The following TCERG1L variants were observed in gnomAD, a reference collection of about 807,000 sequenced individuals.
The protein encoded by TCERG1L is transcription elongation regulator 1 like, also known as transcription elongation regulator 1-like protein.
TCERG1L carries 37 observed loss-of-function variants against 56.3 expected under a neutral mutation model. That is an observed-to-expected ratio of 0.66 (90% CI 0.51 to 0.87). The LOEUF is 0.87. TCERG1L is among the 40% of genes least tolerant of loss of function. The pLI, the probability that TCERG1L is intolerant of heterozygous loss-of-function variation, is 0.00. For missense variants in TCERG1L, 799 were observed against 774.2 expected, an observed-to-expected ratio of 1.03 and a Z score of -0.38; for synonymous variants, 324 against 326.3, an observed-to-expected ratio of 0.99 and a Z score of 0.08.
At position 131,137,647 on chromosome 10, in the gene TCERG1L, G is replaced by A. The variant is rs114342942; in HGVS notation, c.1190-3199C>T. Among the ~76,000 whole-genome samples the A allele has an allele frequency of 2.5e-3, 380 of 152,312 alleles. 1 individual carries two copies. Among genetic ancestry groups the A allele is most frequent in the African/African-American group, 8.6e-3 (358 of 41,568 alleles). ...ACATTTCTTAAAACTTAAAAAATGAGGTCATGCAATTACACACATATTATT... is the reference window on the plus strand; with the variant it reads ...ACATTTCTTAAAACTTAAAAAATGAAGTCATGCAATTACACACATATTATT... On this transcript the variant is annotated intron_variant, in intron 7 of 11. Coordinates refer to ENST00000368642, the MANE Select transcript of TCERG1L (RefSeq NM_174937.4).
intron 4 of TCERG1L, among the ~76,000 whole-genome samples, chr10:131,220,386 G>A (rs1451492378): frequency 6.6e-6 from 1 of 152,200 alleles, no homozygotes; most frequent in Non-Finnish European, 1.5e-5. Flanking sequence ...TCTGTCTGCA[G>A]GACGCAGGAC....
At chr10:131,202,244 TATGCGCATGTCTGC>T (rs1342363644) in intron 4 of TCERG1L, among the ~76,000 whole-genome samples, 8 of 152,116 alleles carry the variant, frequency 5.3e-5, no homozygotes, top group African/African-American at 1.9e-4. Context: ...AGCAAGTAGG[TATGCGCATGTCTGC>T]ACCGTGGGGT....
At chr10:131,291,179 TTAGAA>T (rs1293833069) in intron 3 of TCERG1L, among the ~76,000 whole-genome samples, 6 of 152,106 alleles carry the variant, frequency 3.9e-5, no homozygotes, top group African/African-American at 9.7e-5. Flanking sequence ...TATTATAATA[TTAGAA>T]TAAACTGTCA....
chr10:131,180,548 C>G (rs1003064370), intron 4 of TCERG1L, among the ~76,000 whole-genome samples: 1 of 152,098 alleles, frequency 6.6e-6, no homozygotes, highest in Admixed American at 6.6e-5. Context: ...TTTAGGCTAC[C>G]ATCTACTGCT....
At chr10:131,151,798 T>C (rs1845870228) in intron 6 of TCERG1L, among the ~76,000 whole-genome samples, 1 of 152,224 alleles carries the variant, frequency 6.6e-6, no homozygotes, top group Non-Finnish European at 1.5e-5. Flanking sequence ...AATTTCTGCC[T>C]GGACATCCAG....
Position 131,146,421 on chromosome 10 carries a change from AG to A in TCERG1L, c.1189+84del, listed in dbSNP as rs112571934. On this transcript the variant is annotated intron_variant, in intron 7 of 11. Coordinates refer to ENST00000368642, the MANE Select transcript of TCERG1L (RefSeq NM_174937.4). ...TAGTCAATTTTCAACATAACCAAGA[AG>A]AAACATGCTTTCACTTTACGTTCAT... The A allele has an allele frequency of 1.6e-4, 221 of 1,371,540 alleles. 2 individuals are homozygous for A. The highest frequency in any genetic ancestry group is 8.0e-4 in the Middle Eastern group (3 of 3,746). The allele number at this position is 1,371,540 out of a possible 1,614,324, so 85.0% of individuals were successfully genotyped here. A position where few individuals can be genotyped will look rare whatever the true frequency, so the allele number is the denominator to read the frequency against.
At chr10:131,156,818 A>G (rs1845928357) in intron 6 of TCERG1L, among the ~76,000 whole-genome samples, 3 of 152,014 alleles carry the variant, frequency 2.0e-5, no homozygotes, top group Non-Finnish European at 1.5e-5. Flanking sequence ...TAGAGTTGTG[A>G]GCCCTTAAAA....
At chr10:131,280,091 G>A (rs1846435071) in intron 3 of TCERG1L, among the ~76,000 whole-genome samples, 1 of 152,196 alleles carries the variant, frequency 6.6e-6, no homozygotes. Context: ...CTGGTGACAT[G>A]TGCCCAGGGT....
chr10:131,311,224 G>T lies in TCERG1L; in HGVS notation c.342+70C>A. ...GCGCGCGAGCCGGAGGCCAGAGCCG[G>T]GCCGGGCAGGGCGCGCCCAGGAGCA... On this transcript the variant is annotated intron_variant, in intron 1 of 11. Coordinates refer to ENST00000368642, the MANE Select transcript of TCERG1L (RefSeq NM_174937.4). This position sits in a 1 kb window ranked among gnomAD's most constrained non-coding sequence, Gnocchi z 4.0. 8.7e-7 allele frequency: 1 copy of T among 1,155,422 alleles called. No individual in the cohort carries two copies. The highest frequency in any genetic ancestry group is 1.1e-6 in the Non-Finnish European group (1 of 930,206). The allele number at this position is 1,155,422 out of a possible 1,614,324, so 71.6% of individuals were successfully genotyped here.
intron 9 of TCERG1L, among the ~76,000 whole-genome samples, chr10:131,110,627 G>A (rs569250028): frequency 3.9e-4 from 60 of 152,314 alleles, no homozygotes; most frequent in Middle Eastern, 6.8e-3. Context: ...CCTCAGCCCC[G>A]GGAAGGCAGC....
chr10:131,276,477 T>TG (rs1288285785), intron 3 of TCERG1L, among the ~76,000 whole-genome samples: 2 of 152,240 alleles, frequency 1.3e-5, no homozygotes, highest in African/African-American at 4.8e-5. Flanking sequence ...CACTTCATTA[T>TG]GTTCAACACA....
At chr10:131,115,889 C>T (rs1420428898) in intron 9 of TCERG1L, among the ~76,000 whole-genome samples, 1 of 152,168 alleles carries the variant, frequency 6.6e-6, no homozygotes, top group African/African-American at 2.4e-5. Flanking sequence ...GAGCTGGGTC[C>T]CCATGGCAGC....
intron 4 of TCERG1L, among the ~76,000 whole-genome samples, chr10:131,256,997 GAAAGAAAGAAAGAAA>G (rs1846176975): frequency 7.5e-4 from 56 of 74,210 alleles, no homozygotes; most frequent in East Asian, 2.6e-3. Context: ...AGGAAGGAAA[GAAAGAAAGAAAGAAA>G]GAAAGAAAGA....
At chr10:131,098,164 A>C (rs1845268041) in intron 11 of TCERG1L, 142 bp downstream of exon 11, 1 of 825,246 alleles carries the variant, frequency 1.2e-6, no homozygotes, top group African/African-American at 1.7e-5. Flanking sequence ...GGCTGGTCTC[A>C]CTGGCAGGTC....
chr10:131,130,657 C>T (rs534678369), intron 8 of TCERG1L, among the ~76,000 whole-genome samples: 2 of 152,170 alleles, frequency 1.3e-5, no homozygotes, highest in African/African-American at 4.8e-5. Context: ...AGAACAAATA[C>T]GTTCTCTTAC....
chr10:131,107,647 G>A (rs1442753046), intron 9 of TCERG1L, among the ~76,000 whole-genome samples: 5 of 152,132 alleles, frequency 3.3e-5, no homozygotes, highest in African/African-American at 1.2e-4. Flanking sequence ...GCTCCTGAGG[G>A]AAGCCTGTTG....
At chr10:131,155,712 G>A (rs1018390527) in intron 6 of TCERG1L, among the ~76,000 whole-genome samples, 1 of 152,196 alleles carries the variant, frequency 6.6e-6, no homozygotes, top group Non-Finnish European at 1.5e-5. Flanking sequence ...GGAGCTGGTG[G>A]CTGCCTGGGA....
intron 4 of TCERG1L, among the ~76,000 whole-genome samples, chr10:131,238,970 C>T (rs893586293): frequency 6.6e-6 from 1 of 152,226 alleles, no homozygotes; most frequent in Non-Finnish European, 1.5e-5. Flanking sequence ...TGCCTCCCTG[C>T]CTCCCTGCCT....
Position 131,311,588 on chromosome 10 carries a change from C to G in TCERG1L, c.48G>C (p.Gln16His). The part of the protein sequence containing the change: ...RFQRRRRQLQ[Q>H]QQPRRRQPLL... The stretch of plus-strand genomic sequence containing the variant: ...GAGGCTGCCGCCGCCGGGGCTGCTG[C>G]TGCTGCAGCTGCCGCCGCCGCCGCT... The change falls in exon 1 of 12, where the codon CAG (glutamine) becomes CAC (histidine). Residue 16 changes from glutamine to histidine, a missense_variant. Coordinates refer to ENST00000368642, the MANE Select transcript of TCERG1L (RefSeq NM_174937.4). This position sits in a 1 kb window ranked among gnomAD's most constrained non-coding sequence, Gnocchi z 4.0. The G allele has an allele frequency of 8.7e-7, 1 of 1,152,622 alleles. No individual in the cohort carries two copies. Among genetic ancestry groups the G allele is most frequent in the South Asian group, 4.1e-5 (1 of 24,236 alleles). 71.4% of individuals were successfully genotyped at this position (1,152,622 alleles called of 1,614,324 possible).
Sources: allele counts gnomAD v4.1 joint callset (sites outside exome capture counted in the v4.1 genomes callset), GRCh38; gene constraint gnomAD v4.1.1; non-coding constraint Gnocchi (gnomAD v3.1); transcripts MANE v1.5; gene names NCBI Gene and HGNC (gene_info 2026-07-23, HGNC 2026-07-21).